SCD5: variants seen among roughly 807,000 people sequenced by gnomAD.
The protein encoded by SCD5 is stearoyl-CoA desaturase 5.
A neutral mutation model predicts 30.4 loss-of-function variants in SCD5; 20 were observed. The ratio of observed to expected loss-of-function variants is 0.66; its 90% CI spans 0.46 to 0.96. SCD5 has a LOEUF of 0.96. Ranked by LOEUF, SCD5 falls within the 40% of genes least tolerant of loss-of-function variation. The pLI is 0.00. For synonymous variants in SCD5, 173 were observed against 176.4 expected (o/e 0.98, Z 0.16); for missense variants, 381 against 443.3 (o/e 0.86, Z 1.26).
intron 4 of SCD5, 89 bp from the exon 5 acceptor site, chr4:82,631,606 G>T: frequency 7.1e-7 from 1 of 1,400,280 alleles, no homozygotes; most frequent in Non-Finnish European, 9.8e-7. Flanking sequence ...GGTTTACCAT[G>T]TGCAGGACAT....
intron 1 of SCD5, among the ~76,000 whole-genome samples, chr4:82,709,289 C>T (rs983327614): frequency 2.6e-5 from 4 of 152,150 alleles, no homozygotes; most frequent in Non-Finnish European, 4.4e-5. Flanking sequence ...CATTCAGCCT[C>T]GGCTTGTCAT....
intron 2 of SCD5, among the ~76,000 whole-genome samples, chr4:82,682,685 T>C (rs912526093): frequency 1.3e-5 from 2 of 152,208 alleles, no homozygotes; most frequent in African/African-American, 4.8e-5. Flanking sequence ...CTTGCTCTAT[T>C]GCCCAGGCTA....
chr4:82,798,430 T>G lies in SCD5; in HGVS notation c.108A>C (p.Pro36=), dbSNP rs1279069995. The part of the protein sequence containing the change: ...SSEGGGGPER[P]GARGQRQNIV... ...TGTTCTGCCGCTGCCCGCGCGCGCC[T>G]GGCCTCTCCGGGCCGCCGCCGCCCT... Residue 36 remains proline, a synonymous_variant, in exon 1 of 5, where the codon CCA becomes CCC. Transcript: ENST00000319540. 1.2e-6 allele frequency: 2 copies of G among 1,613,082 alleles called. No homozygotes were observed. The highest frequency in any genetic ancestry group is 1.7e-6 in the Non-Finnish European group (2 of 1,179,652).
chr4:82,790,873 G>C (rs1003757863), intron 1 of SCD5, among the ~76,000 whole-genome samples: 29 of 152,070 alleles, frequency 1.9e-4, no homozygotes, highest in African/African-American at 7.0e-4. Context: ...AAAGGCCCAG[G>C]CTTCTGACAA....
chr4:82,754,177 A>G (rs1052938911), intron 1 of SCD5, among the ~76,000 whole-genome samples: 1 of 152,338 alleles, frequency 6.6e-6, no homozygotes, highest in East Asian at 1.9e-4. Flanking sequence ...TAAGAAGGGC[A>G]AAAGAGAATG....
At chr4:82,722,315 A>AAC (rs3079685) in intron 1 of SCD5, among the ~76,000 whole-genome samples, 65,482 of 151,918 alleles carry the variant, frequency 0.43, 14,795 homozygotes, top group African/African-American at 0.57. Context: ...AAAAAATTTT[A>AAC]AGTTTGTAGC....
intron 2 of SCD5, chr4:82,692,585 A>G (rs1162400449): frequency 6.6e-6 from 1 of 152,274 alleles, no homozygotes; most frequent in African/African-American, 2.4e-5. Flanking sequence ...CAGGTTCTCC[A>G]TCAGCGGCTG....
intron 2 of SCD5, among the ~76,000 whole-genome samples, chr4:82,691,085 G>A (rs182129369): frequency 2.6e-5 from 4 of 152,326 alleles, no homozygotes; most frequent in Non-Finnish European, 1.5e-5. Flanking sequence ...GAGTGCAGTG[G>A]TGCGATCTTG....
At chr4:82,715,199 T>C (rs1228537452) in intron 1 of SCD5, among the ~76,000 whole-genome samples, 1 of 149,670 alleles carries the variant, frequency 6.7e-6, no homozygotes, top group Non-Finnish European at 1.5e-5. Flanking sequence ...ATCATGCCAC[T>C]GTACTGCAGC....
At chr4:82,705,443 C>T (rs764624648) in intron 1 of SCD5, 30 bp from the exon 2 acceptor site, 5 of 1,613,362 alleles carry the variant, frequency 3.1e-6, no homozygotes, top group Non-Finnish European at 4.2e-6. Context: ...ACAACGTCAA[C>T]AATGGTCCCT....
intron 1 of SCD5, among the ~76,000 whole-genome samples, chr4:82,764,116 G>A (rs1721437263): frequency 6.6e-6 from 1 of 152,082 alleles, no homozygotes; most frequent in Non-Finnish European, 1.5e-5. Context: ...TTTAACTGGG[G>A]TATTAGAACT....
At chr4:82,741,966 G>A (rs374976194) in intron 1 of SCD5, among the ~76,000 whole-genome samples, 31 of 151,658 alleles carry the variant, frequency 2.0e-4, no homozygotes, top group East Asian at 1.6e-3. Context: ...TGTAGTCCCA[G>A]CGACTCAGGA....
rs1282143010 is a variant in SCD5, at chr4:82,680,906, T to C, written c.370A>G (p.Ile124Val). 2 of 1,611,488 alleles carry C rather than the reference T, an allele frequency of 1.2e-6. No homozygotes were observed. The highest frequency in any genetic ancestry group is 1.7e-6 in the Non-Finnish European group (2 of 1,179,782). Residue 124 changes from isoleucine (I) to valine (V), a missense_variant, in exon 3 of 5, where the codon ATC (isoleucine) becomes GTC (valine). Transcript: ENST00000319540. ...VANSMAFQNDIFEWSRDHRAH... is the reference protein window; with the variant it reads ...VANSMAFQNDVFEWSRDHRAH... ...CGGTGGTCCCTGGACCACTCGAAGATGTCATTCTGCAGAGAGAATGAGAGC... is the reference window on the plus strand; with the variant it reads ...CGGTGGTCCCTGGACCACTCGAAGACGTCATTCTGCAGAGAGAATGAGAGC...
intron 2 of SCD5, among the ~76,000 whole-genome samples, chr4:82,689,661 A>G (rs1201776884): frequency 6.6e-6 from 1 of 152,224 alleles, no homozygotes; most frequent in Admixed American, 6.5e-5. Context: ...TGTTTGCTAA[A>G]ACTATTGGGT....
intron 3 of SCD5, among the ~76,000 whole-genome samples, chr4:82,663,239 GAGAA>G (rs1728058222): frequency 6.6e-6 from 1 of 152,188 alleles, no homozygotes; most frequent in African/African-American, 2.4e-5. Context: ...TCAAAGCAAG[GAGAA>G]AGAGATGGCT....
intron 1 of SCD5, 36 bp downstream of exon 1, chr4:82,798,270 G>A (rs778751637): frequency 9.9e-6 from 15 of 1,515,342 alleles, no homozygotes; most frequent in East Asian, 8.2e-5. Context: ...GCCTGGCCAC[G>A]GAGGCCGGGG....
At chr4:82,739,730 G>A (rs539600842) in intron 1 of SCD5, among the ~76,000 whole-genome samples, 2 of 152,370 alleles carry the variant, frequency 1.3e-5, no homozygotes. Flanking sequence ...AGAGTTAGAC[G>A]CAGCTGGACA....
At chr4:82,733,128 A>C (rs1720678235) in intron 1 of SCD5, among the ~76,000 whole-genome samples, 1 of 152,172 alleles carries the variant, frequency 6.6e-6, no homozygotes, top group South Asian at 2.1e-4. Context: ...GGGAACTGAG[A>C]AGCAAAGAGG....
intron 3 of SCD5, among the ~76,000 whole-genome samples, chr4:82,677,820 C>T (rs1284727647): frequency 6.6e-6 from 1 of 152,056 alleles, no homozygotes; most frequent in Non-Finnish European, 1.5e-5. Context: ...TACTAGTTTG[C>T]TCATAGGATG....
Sources: gnomAD v4.1 joint callset for allele counts (sites outside exome capture counted in the v4.1 genomes callset) on GRCh38, gnomAD v4.1.1 for gene constraint, MANE v1.5 for transcripts, NCBI Gene and HGNC (gene_info 2026-07-23, HGNC 2026-07-21) for gene names.